The following TTYH3 variants were observed in gnomAD, a reference collection of about 807,000 sequenced individuals.
TTYH3 encodes the protein tweety family member 3.
TTYH3 carries 23 observed loss-of-function variants against 68.2 expected under a neutral mutation model. The observed-to-expected ratio is 0.34, with a 90% CI of 0.24 to 0.48. The LOEUF (loss-of-function observed/expected upper bound fraction) is 0.48. Ranked by LOEUF, TTYH3 falls within the 20% of genes least tolerant of loss-of-function variation. The pLI is 0.99. For synonymous variants in TTYH3, 360 were observed against 332.8 expected, an observed-to-expected ratio of 1.08 and a Z score of -0.89; for missense variants, 768 against 727.7, an observed-to-expected ratio of 1.06 and a Z score of -0.64.
At chr7:2,633,574 C>T (rs1785582824) in intron 1 of TTYH3, among the ~76,000 whole-genome samples, 1 of 152,206 alleles carries the variant, frequency 6.6e-6, no homozygotes, top group Non-Finnish European at 1.5e-5. Context: ...GTTCTAGAAG[C>T]CCAGCCCTGG....
At chr7:2,657,795 C>T (rs1314142379) in intron 11 of TTYH3, among the ~76,000 whole-genome samples, 3 of 152,232 alleles carry the variant, frequency 2.0e-5, no homozygotes, top group African/African-American at 7.2e-5. Flanking sequence ...CCCTGTGTCC[C>T]ATGTGGGACC....
chr7:2,660,686 TC>T, intron 13 of TTYH3: 1 of 478,524 alleles, frequency 2.1e-6, no homozygotes, highest in Non-Finnish European at 2.7e-6. Context: ...CTTCTTGGTG[TC>T]CCAGGAGGGC....
chr7:2,634,490 C>T (rs1012613374), intron 1 of TTYH3, among the ~76,000 whole-genome samples: 3 of 149,246 alleles, frequency 2.0e-5, no homozygotes, highest in African/African-American at 4.9e-5. Context: ...TCCCTCTTAG[C>T]TGTCTCTGTG....
In TTYH3 at chr7:2,645,766, C is replaced by T; in HGVS notation, c.124-1087C>T. On this transcript the variant is annotated intron_variant, in intron 1 of 13. Transcript: ENST00000258796. This position sits in a 1 kb window ranked among gnomAD's most constrained non-coding sequence, Gnocchi z 4.8. ...TGATGGGGCCTCTTCCATGTTCACC[C>T]CTCAGAAACACTTTCATGGTCAGCA... is the stretch of plus-strand genomic sequence containing the variant. 4.2e-6 allele frequency: 2 copies of T among 471,006 alleles called. No individual in the cohort carries two copies. Among genetic ancestry groups the T allele is most frequent in the Non-Finnish European group, 8.8e-6 (2 of 226,992 alleles). The allele number at this position is 471,006 out of a possible 1,614,324, so 29.2% of individuals were successfully genotyped here.
chr7:2,654,007 G>A (rs551317611), intron 9 of TTYH3, among the ~76,000 whole-genome samples: 18 of 152,324 alleles, frequency 1.2e-4, no homozygotes, highest in South Asian at 6.2e-4. Flanking sequence ...GGAGGAGTGC[G>A]TCTGTGGGCA....
chr7:2,652,975 C>T lies in TTYH3; in HGVS notation c.985C>T (p.Leu329=), dbSNP rs1451556779. The change falls in exon 9 of 14, where the codon CTG becomes TTG. Residue 329 remains leucine, a synonymous_variant. Coordinates refer to ENST00000258796, the MANE Select transcript of TTYH3 (RefSeq NM_025250.3). ...VEMQDVVAEL[L]RTVPWEQPAT... Reference sequence around the variant, plus strand: ...GATGCAGGATGTCGTGGCTGAGCTTCTGAGGACCGTCCCCTGGGAGCAGCC... The same window carrying T: ...GATGCAGGATGTCGTGGCTGAGCTTTTGAGGACCGTCCCCTGGGAGCAGCC... 1.9e-6 allele frequency: 3 copies of T among 1,575,946 alleles called. No homozygotes were observed. Among genetic ancestry groups the T allele is most frequent in the African/African-American group, 1.3e-5 (1 of 74,800 alleles).
chr7:2,655,119 G>C (rs1295687823), intron 9 of TTYH3, among the ~76,000 whole-genome samples: 1 of 151,620 alleles, frequency 6.6e-6, no homozygotes, highest in Admixed American at 6.6e-5. Flanking sequence ...GTAACAGTAG[G>C]CTCTGTTATC....
intron 9 of TTYH3, among the ~76,000 whole-genome samples, chr7:2,653,932 G>A (rs1786261726): frequency 6.6e-6 from 1 of 152,174 alleles, no homozygotes; most frequent in Non-Finnish European, 1.5e-5. Flanking sequence ...CTCTTTGGAG[G>A]TGTTTGGTCC....
chr7:2,660,917 A>G (rs1583579460), intron 13 of TTYH3, among the ~76,000 whole-genome samples: 2 of 152,178 alleles, frequency 1.3e-5, no homozygotes, highest in Non-Finnish European at 2.9e-5. Context: ...ATTCTCTTGC[A>G]CACACACGTG....
At chr7:2,641,585 C>T (rs1044351123) in intron 1 of TTYH3, among the ~76,000 whole-genome samples, 19 of 152,376 alleles carry the variant, frequency 1.2e-4, no homozygotes, top group African/African-American at 4.3e-4. Flanking sequence ...ACTTCCACCA[C>T]AGACGGAAAA....
chr7:2,648,100 C>CA, intron 5 of TTYH3, 46 bp downstream of exon 5: 1 of 1,550,182 alleles, frequency 6.5e-7, no homozygotes, highest in South Asian at 1.1e-5. Context: ...AGCGGAGGGG[C>CA]AGGGCAAGGC....
Position 2,647,608 on chromosome 7 carries a change from C to T in TTYH3, c.596C>T (p.Ala199Val), listed in dbSNP as rs1786035194. ...ACGGCGGTGTCGCTGGAGGTGCTGG[C>T]GGAGCAGGTGGATCTCTACGACTGG... ...RNTAVSLEVL[A>V]EQVDLYDWYR... is the part of the protein sequence containing the mutation. Residue 199 changes from alanine to valine, a missense_variant, in exon 4 of 14, where the codon GCG becomes GTG. Coordinates refer to ENST00000258796, the MANE Select transcript of TTYH3 (RefSeq NM_025250.3). The T allele has an allele frequency of 5.1e-6, 8 of 1,573,324 alleles. No homozygotes were observed. Among genetic ancestry groups the T allele is most frequent in the African/African-American group, 1.4e-5 (1 of 74,002 alleles).
intron 1 of TTYH3, among the ~76,000 whole-genome samples, chr7:2,635,260 G>A (rs188388505): frequency 1.8e-3 from 274 of 152,324 alleles, no homozygotes; most frequent in African/African-American, 2.9e-3. Flanking sequence ...GTCCTGCCCC[G>A]GGCAGGGGCC....
intron 9 of TTYH3, 143 bp from the exon 10 acceptor site, chr7:2,655,949 G>C (rs979317629): frequency 2.0e-5 from 13 of 657,120 alleles, no homozygotes; most frequent in Non-Finnish European, 3.4e-5. Context: ...CTCAGGACCT[G>C]CACTGAGACC....
chr7:2,635,784 G>C (rs567273711), intron 1 of TTYH3, among the ~76,000 whole-genome samples: 1 of 152,210 alleles, frequency 6.6e-6, no homozygotes, highest in Non-Finnish European at 1.5e-5. Context: ...CATGGGGGAC[G>C]TGTTTTCCAC....
Position 2,662,120 on chromosome 7 carries a change from TG to T in TTYH3, c.*383del. The T allele has an allele frequency of 2.4e-6, 1 of 424,460 alleles. No individual in the cohort carries two copies. The highest frequency in any genetic ancestry group is 2.3e-5 in the South Asian group (1 of 44,200). 26.3% of individuals were successfully genotyped at this position (424,460 alleles called of 1,614,324 possible). On this transcript the variant is annotated 3_prime_UTR_variant, in exon 14 of 14. Transcript: ENST00000258796. ...TCCTTCCTCCCGCCCGGCACTTCTG[TG>T]GACCCCTTCTTAGTTCACAGGCACG...
intron 8 of TTYH3, among the ~76,000 whole-genome samples, chr7:2,652,597 G>A (rs1040811511): frequency 2.0e-5 from 3 of 152,314 alleles, no homozygotes; most frequent in African/African-American, 4.8e-5. Context: ...GAGGTCGGCC[G>A]CACCAGCTGG....
chr7:2,643,302 C>G (rs1397250686), intron 1 of TTYH3, among the ~76,000 whole-genome samples: 6 of 146,914 alleles, frequency 4.1e-5, no homozygotes, highest in Admixed American at 6.9e-5. Flanking sequence ...TTGCAGTGAG[C>G]TGAGATGGCG....
chr7:2,655,417 A>G (rs1188282107), intron 9 of TTYH3, among the ~76,000 whole-genome samples: 1 of 152,214 alleles, frequency 6.6e-6, no homozygotes, highest in Non-Finnish European at 1.5e-5. Flanking sequence ...AAGCGCTGGG[A>G]TTACAGGGGT....
Sources: allele counts gnomAD v4.1 joint callset (sites outside exome capture counted in the v4.1 genomes callset), GRCh38; gene constraint gnomAD v4.1.1; non-coding constraint Gnocchi (gnomAD v3.1); transcripts MANE v1.5; gene names NCBI Gene and HGNC (gene_info 2026-07-23, HGNC 2026-07-21).